FABP12: variants seen among roughly 807,000 people sequenced by gnomAD.
FABP12 encodes the protein fatty acid binding protein 12, also known as fatty acid-binding protein 12.
FABP12 carries 19 observed loss-of-function variants against 13.7 expected under a neutral mutation model. The observed-to-expected ratio is 1.39, with a 90% CI of 0.97 to 2.04. The LOEUF is 2.04. FABP12 is among the 30% of genes most tolerant of loss of function. The pLI is 0.00. For missense variants in FABP12, 182 were observed against 164.2 expected (o/e 1.11, Z -0.59); for synonymous variants, 61 against 57.0 (o/e 1.07, Z -0.32).
At chr8:81,553,266 A>G (rs1200195794) in intron 1 of FABP12, among the ~76,000 whole-genome samples, 1 of 152,188 alleles carries the variant, frequency 6.6e-6, no homozygotes, top group Non-Finnish European at 1.5e-5. Flanking sequence ...TTGACTCAAG[A>G]AGAGAGAACA....
At chr8:81,542,717 C>T (rs984582094) in intron 1 of FABP12, among the ~76,000 whole-genome samples, 6 of 152,208 alleles carry the variant, frequency 3.9e-5, no homozygotes, top group Admixed American at 3.9e-4. Context: ...CATATTTACG[C>T]ATGCACCCAT....
intron 1 of FABP12, among the ~76,000 whole-genome samples, chr8:81,584,332 G>C (rs79739172): frequency 6.6e-6 from 1 of 152,146 alleles, no homozygotes; most frequent in African/African-American, 2.4e-5. Context: ...TGGAGGCACC[G>C]GCCTCTGCAG....
intron 1 of FABP12, among the ~76,000 whole-genome samples, chr8:81,554,998 G>A (rs1395603102): frequency 6.6e-6 from 1 of 152,052 alleles, no homozygotes. Context: ...ATGGAATGAG[G>A]TCAGGGCACA....
At chr8:81,525,187 AACTAAGT>A in intron 4 of FABP12, 67 bp from the exon 5 acceptor site, 1 of 1,024,926 alleles carries the variant, frequency 9.8e-7, no homozygotes, top group East Asian at 2.6e-5. Flanking sequence ...GAAAAGTGCA[AACTAAGT>A]ACTATCCACA....
chr8:81,537,766 G>A (rs1021836559), upstream of FABP12, among the ~76,000 whole-genome samples: 4 of 152,138 alleles, frequency 2.6e-5, no homozygotes, highest in Non-Finnish European at 4.4e-5. Flanking sequence ...ACCTGGAGGT[G>A]GGCAGTGGAC....
At chr8:81,576,490 A>G (rs1810048606) in intron 1 of FABP12, among the ~76,000 whole-genome samples, 1 of 151,970 alleles carries the variant, frequency 6.6e-6, no homozygotes, top group Non-Finnish European at 1.5e-5. Flanking sequence ...TATGTTATAT[A>G]TAACACAAAC....
intron 1 of FABP12, among the ~76,000 whole-genome samples, chr8:81,560,528 TC>T (rs1435384443): frequency 6.6e-6 from 1 of 152,028 alleles, no homozygotes; most frequent in Non-Finnish European, 1.5e-5. Context: ...GGACAGGCCA[TC>T]CCCCCATCAG....
At chr8:81,572,941 C>G (rs1167112752) in intron 1 of FABP12, among the ~76,000 whole-genome samples, 4 of 148,324 alleles carry the variant, frequency 2.7e-5, no homozygotes, top group Non-Finnish European at 4.6e-5. Context: ...CTGCAAAACT[C>G]CTTAGTTTAA....
At chr8:81,581,381 C>T (rs562566672) in intron 1 of FABP12, among the ~76,000 whole-genome samples, 1 of 152,232 alleles carries the variant, frequency 6.6e-6, no homozygotes, top group South Asian at 2.1e-4. Context: ...GAATTCCCTA[C>T]CCATGACTAA....
intron 1 of FABP12, among the ~76,000 whole-genome samples, chr8:81,577,553 G>A (rs960850739): frequency 1.3e-5 from 2 of 152,118 alleles, no homozygotes; most frequent in Non-Finnish European, 2.9e-5. Flanking sequence ...GAGGTCAGGA[G>A]GTCAAGATCA....
chr8:81,573,905 GAC>G (rs940429660), intron 1 of FABP12, among the ~76,000 whole-genome samples: 2 of 152,126 alleles, frequency 1.3e-5, no homozygotes, highest in African/African-American at 4.8e-5. Flanking sequence ...AGCAAACAGA[GAC>G]AGTTTGACTT....
chr8:81,555,704 T>C (rs1272324068), intron 1 of FABP12, among the ~76,000 whole-genome samples: 2 of 152,172 alleles, frequency 1.3e-5, no homozygotes, highest in Non-Finnish European at 2.9e-5. Context: ...ATAGTGAAAA[T>C]ATAGCTATTC....
chr8:81,525,690 A>G (rs1808883148), intron 4 of FABP12, among the ~76,000 whole-genome samples: 1 of 152,214 alleles, frequency 6.6e-6, no homozygotes. Context: ...TATAATGTTT[A>G]TATATGTATA....
intron 1 of FABP12, among the ~76,000 whole-genome samples, chr8:81,581,221 G>A (rs554394191): frequency 3.9e-5 from 6 of 152,318 alleles, no homozygotes; most frequent in African/African-American, 1.4e-4. Context: ...TTATGCCTTT[G>A]TTGAACCCAT....
chr8:81,585,176 T>A (rs1012228188), intron 1 of FABP12, among the ~76,000 whole-genome samples: 6 of 152,196 alleles, frequency 3.9e-5, no homozygotes, highest in Admixed American at 1.3e-4. Context: ...TCTTGGAGCA[T>A]CCCTTCAATG....
chr8:81,564,845 C>T (rs1809787743), intron 1 of FABP12, among the ~76,000 whole-genome samples: 1 of 151,884 alleles, frequency 6.6e-6, no homozygotes, highest in Non-Finnish European at 1.5e-5. Flanking sequence ...TGAATAATAA[C>T]ATTGAATGTA....
intron 1 of FABP12, among the ~76,000 whole-genome samples, chr8:81,556,879 CTTTTT>C (rs11338781): frequency 1.8e-5 from 2 of 109,264 alleles, no homozygotes. Context: ...AAGTGTACAT[CTTTTT>C]TTTTTTTTTT....
At chr8:81,530,634 C>T (rs766112602) in intron 2 of FABP12, among the ~76,000 whole-genome samples, 19 of 152,198 alleles carry the variant, frequency 1.2e-4, no homozygotes, top group East Asian at 5.8e-4. Flanking sequence ...AAGATATTCA[C>T]GTCTTAATCC....
chr8:81,587,266 G>A (rs1033007753), intron 1 of FABP12, among the ~76,000 whole-genome samples: 1 of 151,938 alleles, frequency 6.6e-6, no homozygotes, highest in Admixed American at 6.6e-5. Context: ...GGATTGCTTT[G>A]GCTATTCAGA....
Sources: gnomAD v4.1 joint callset for allele counts (sites outside exome capture counted in the v4.1 genomes callset) on GRCh38, gnomAD v4.1.1 for gene constraint, MANE v1.5 for transcripts, NCBI Gene and HGNC (gene_info 2026-07-23, HGNC 2026-07-21) for gene names.